Variants in NAV3 observed in about 807,000 individuals in gnomAD.
The protein encoded by NAV3 is neuron navigator 3.
Under a neutral mutation model 244.7 loss-of-function variants are expected in NAV3, and 87 were observed. The ratio of observed to expected loss-of-function variants is 0.36; its 90% CI spans 0.30 to 0.42. The LOEUF is 0.42. Among genes scored for constraint, NAV3 ranks in the 20% least tolerant of loss-of-function variants. NAV3 has a pLI of 1.00. For synonymous variants in NAV3, 1,126 were observed against 1,042.2 expected, an observed-to-expected ratio of 1.08 and a Z score of -1.55; for missense variants, 2,663 against 2,893.3, an observed-to-expected ratio of 0.92 and a Z score of 1.83.
At chr12:77,847,591 C>G (rs1273220572) in intron 1 of NAV3, among the ~76,000 whole-genome samples, 2 of 152,204 alleles carry the variant, frequency 1.3e-5, no homozygotes, top group African/African-American at 2.4e-5. Flanking sequence ...CTGACTTTAT[C>G]TACAATTAAT....
intron 1 of NAV3, among the ~76,000 whole-genome samples, chr12:77,864,908 C>A (rs1323997502): frequency 6.6e-6 from 1 of 151,926 alleles, no homozygotes; most frequent in Non-Finnish European, 1.5e-5. Context: ...CAGTAAATAC[C>A]TATTCAAATA....
intron 9 of NAV3, among the ~76,000 whole-genome samples, chr12:78,032,055 G>A (rs190287187): frequency 3.3e-5 from 5 of 152,054 alleles, no homozygotes; most frequent in East Asian, 1.9e-4. Context: ...GGCCATTGTC[G>A]GAAATAACTG....
chr12:77,810,467 G>A (rs981854850), intron 2 of NAV3, among the ~76,000 whole-genome samples: 1 of 152,156 alleles, frequency 6.6e-6, no homozygotes, highest in African/African-American at 2.4e-5. Context: ...CACAGCGCCT[G>A]ACCCCCATTA....
intron 2 of NAV3, among the ~76,000 whole-genome samples, chr12:77,624,904 A>T (rs1433688497): frequency 6.6e-6 from 1 of 152,120 alleles, no homozygotes; most frequent in African/African-American, 2.4e-5. Flanking sequence ...GTTTATAGTA[A>T]AAAAGTCAAC....
intron 1 of NAV3, among the ~76,000 whole-genome samples, chr12:77,878,149 A>G (rs1019741023): frequency 6.6e-6 from 1 of 152,044 alleles, no homozygotes; most frequent in Non-Finnish European, 1.5e-5. Context: ...GAATGAGAAC[A>G]TGGGAAGAGA....
rs561314523 is a variant in NAV3 at position 77,997,093 on chromosome 12, G to A, written c.741-1244G>A. Among the ~76,000 whole-genome samples, 44 of 152,014 alleles carry A rather than the reference G, an allele frequency of 2.9e-4. No individual in the cohort carries two copies. In the South Asian group the frequency reaches 3.1e-3, roughly 11 times the overall value. ...CGTCTCTATCAAAATACAAAGATGAGCCGGGCATGATAGCAAGTGCCTGTA... is the reference window on the plus strand; with the variant it reads ...CGTCTCTATCAAAATACAAAGATGAACCGGGCATGATAGCAAGTGCCTGTA... On this transcript the variant is annotated intron_variant, in intron 6 of 39. Transcript: ENST00000397909.
chr12:77,620,385 A>C (rs530610379), intron 2 of NAV3, among the ~76,000 whole-genome samples: 2 of 152,208 alleles, frequency 1.3e-5, no homozygotes, highest in Non-Finnish European at 2.9e-5. Context: ...CAGTTATCCC[A>C]GTGGAATTCA....
At chr12:77,930,183 G>T (rs1222280363) in intron 1 of NAV3, among the ~76,000 whole-genome samples, 1 of 151,948 alleles carries the variant, frequency 6.6e-6, no homozygotes, top group East Asian at 1.9e-4. Context: ...GACTTTTTGG[G>T]ATGGTATATA....
intron 24 of NAV3, among the ~76,000 whole-genome samples, chr12:78,169,495 G>A (rs1440822096): frequency 6.6e-6 from 1 of 151,526 alleles, no homozygotes; most frequent in Non-Finnish European, 1.5e-5. Context: ...TATTAATATC[G>A]TGTCATTTTT....
At chr12:78,123,030 T>TTA (rs1046579632) in intron 16 of NAV3, among the ~76,000 whole-genome samples, 27 of 151,360 alleles carry the variant, frequency 1.8e-4, no homozygotes, top group African/African-American at 4.1e-4. Flanking sequence ...CTCATTGGCT[T>TTA]TATATATATA....
At position 77,801,762 on chromosome 12, in the gene NAV3, A is replaced by G. The variant is rs114220758; in HGVS notation, c.73-138557A>G. On this transcript the variant is annotated intron_variant, in intron 2 of 8. Transcript: ENST00000550042. Reference sequence around the variant, plus strand: ...CAATGCCCAGTTTATTGCCTGGAAAAATTAAGATCTATTCCTGATGTCCTA... The same window carrying G: ...CAATGCCCAGTTTATTGCCTGGAAAGATTAAGATCTATTCCTGATGTCCTA... Among the ~76,000 whole-genome samples the G allele has an allele frequency of 3.8e-3, 575 of 152,218 alleles. 3 individuals are homozygous for G. Among genetic ancestry groups the G allele is most frequent in the African/African-American group, 0.013 (552 of 41,542 alleles).
intron 2 of NAV3, among the ~76,000 whole-genome samples, chr12:77,623,515 T>A (rs772686186): frequency 6.6e-6 from 1 of 152,182 alleles, no homozygotes; most frequent in Non-Finnish European, 1.5e-5. Flanking sequence ...CTTGCACAAA[T>A]TTTGTAACAA....
chr12:78,028,690 A>T (rs1469183347), intron 9 of NAV3, among the ~76,000 whole-genome samples: 1 of 152,166 alleles, frequency 6.6e-6, no homozygotes, highest in Non-Finnish European at 1.5e-5. Flanking sequence ...ATCACCAGGG[A>T]CATATTTTCT....
intron 12 of NAV3, among the ~76,000 whole-genome samples, chr12:78,108,660 G>A (rs1283702106): frequency 6.6e-6 from 1 of 152,010 alleles, no homozygotes; most frequent in African/African-American, 2.4e-5. Context: ...GAATAACGTT[G>A]GAAACTATAC....
intron 2 of NAV3, among the ~76,000 whole-genome samples, chr12:77,751,615 C>T (rs1048405612): frequency 1.3e-5 from 2 of 152,076 alleles, no homozygotes; most frequent in Admixed American, 6.6e-5. Context: ...TTCCTGAGGC[C>T]CCCCCAGCCA....
chr12:77,639,585 A>G (rs1054669693), intron 2 of NAV3, among the ~76,000 whole-genome samples: 4 of 152,192 alleles, frequency 2.6e-5, no homozygotes, highest in Non-Finnish European at 5.9e-5. Context: ...GTTGATGTGA[A>G]GGAGAATAAT....
At chr12:77,909,444 A>T (rs1435824425) in intron 1 of NAV3, among the ~76,000 whole-genome samples, 2 of 151,960 alleles carry the variant, frequency 1.3e-5, no homozygotes, top group African/African-American at 2.4e-5. Flanking sequence ...AATTCCAAAA[A>T]AAAAGGGAAG....
chr12:78,197,409 T>A lies in NAV3; in HGVS notation c.6446+8T>A. On this transcript the variant is annotated splice_region_variant and intron_variant, in intron 35 of 39. Transcript: ENST00000397909. Reference sequence around the variant, plus strand: ...TTGTAAATACAACAAATGGTATGCTTATCAAATATTCTGAATAATGAAATA... The same window carrying A: ...TTGTAAATACAACAAATGGTATGCTAATCAAATATTCTGAATAATGAAATA... 10 of 1,578,802 alleles carry A rather than the reference T, an allele frequency of 6.3e-6. No individual in the cohort carries two copies. The highest frequency in any genetic ancestry group is 7.8e-6 in the Non-Finnish European group (9 of 1,159,414).
At chr12:77,776,266 A>C (rs1870349512) in intron 2 of NAV3, among the ~76,000 whole-genome samples, 1 of 152,214 alleles carries the variant, frequency 6.6e-6, no homozygotes, top group African/African-American at 2.4e-5. Context: ...ATCAGCTTTA[A>C]TTTTACATAA....
Sources: gnomAD v4.1 joint callset for allele counts (sites outside exome capture counted in the v4.1 genomes callset) on GRCh38, gnomAD v4.1.1 for gene constraint, MANE v1.5 for transcripts, NCBI Gene and HGNC (gene_info 2026-07-23, HGNC 2026-07-21) for gene names.